GPC5: variants seen among roughly 807,000 people sequenced by gnomAD.
GPC5 encodes the protein glypican-5.
Under a neutral mutation model 53.9 loss-of-function variants are expected in GPC5, and 47 were observed. The observed-to-expected ratio is 0.87, with a 90% CI of 0.69 to 1.11. The LOEUF (loss-of-function observed/expected upper bound fraction) is 1.11. Among genes scored for constraint, GPC5 ranks in the 50% most tolerant of loss-of-function variants. GPC5 has a pLI of 0.00. For synonymous variants in GPC5, 286 were observed against 263.3 expected, an observed-to-expected ratio of 1.09 and a Z score of -0.84; for missense variants, 748 against 713.1, an observed-to-expected ratio of 1.05 and a Z score of -0.56.
intron 2 of GPC5, among the ~76,000 whole-genome samples, chr13:91,615,651 C>T (rs2033675969): frequency 1.3e-5 from 2 of 152,132 alleles, no homozygotes; most frequent in East Asian, 3.9e-4. Flanking sequence ...GCTCACAGGG[C>T]TTCCCCATCT....
chr13:91,557,244 T>C (rs1308053712), intron 2 of GPC5, among the ~76,000 whole-genome samples: 1 of 152,160 alleles, frequency 6.6e-6, no homozygotes, highest in Admixed American at 6.5e-5. Flanking sequence ...CTTTGGCTGT[T>C]CTGAGAGTTG....
intron 7 of GPC5, among the ~76,000 whole-genome samples, chr13:92,783,686 A>ATTTAC (rs1876112998): frequency 6.6e-6 from 1 of 152,160 alleles, no homozygotes; most frequent in African/African-American, 2.4e-5. Context: ...ATATGATAAA[A>ATTTAC]TTTACTTTCA....
intron 7 of GPC5, among the ~76,000 whole-genome samples, chr13:92,439,711 T>G (rs1485970521): frequency 6.6e-6 from 1 of 151,934 alleles, no homozygotes; most frequent in African/African-American, 2.4e-5. Context: ...CCAAAGACAA[T>G]GGGGGTCTAT....
At chr13:92,381,199 C>CTATGTA (rs2043736199) in intron 7 of GPC5, among the ~76,000 whole-genome samples, 1 of 152,118 alleles carries the variant, frequency 6.6e-6, no homozygotes, top group Non-Finnish European at 1.5e-5. Context: ...CTTTGTTTTT[C>CTATGTA]TCTACTCATA....
chr13:91,420,713 G>A (rs1328483000), intron 1 of GPC5, among the ~76,000 whole-genome samples: 3 of 152,124 alleles, frequency 2.0e-5, no homozygotes, highest in Admixed American at 6.5e-5. Flanking sequence ...ATTGGATGGT[G>A]GGGGCGGTTC....
intron 7 of GPC5, among the ~76,000 whole-genome samples, chr13:92,739,401 A>T (rs1227717755): frequency 6.6e-6 from 1 of 152,088 alleles, no homozygotes; most frequent in Non-Finnish European, 1.5e-5. Context: ...ATAGTTGCTG[A>T]TAAGTTCTGT....
At chr13:91,881,519 A>T (rs1443441545) in intron 5 of GPC5, among the ~76,000 whole-genome samples, 1 of 152,188 alleles carries the variant, frequency 6.6e-6, no homozygotes, top group Non-Finnish European at 1.5e-5. Flanking sequence ...TCTTTAAAAC[A>T]TATTCAATAA....
chr13:91,568,831 C>T (rs1033802616), intron 2 of GPC5, among the ~76,000 whole-genome samples: 3 of 151,498 alleles, frequency 2.0e-5, no homozygotes, highest in Non-Finnish European at 4.4e-5. Flanking sequence ...TCACTGCAAC[C>T]TCCACCCCCA....
intron 7 of GPC5, among the ~76,000 whole-genome samples, chr13:92,743,644 C>T (rs138556990): frequency 0.082 from 12,537 of 151,990 alleles, 1,021 homozygotes; most frequent in East Asian, 0.37. Flanking sequence ...TGGTGAGAGA[C>T]GGCATCTCTG....
chr13:91,763,072 A>G (rs1282314369), intron 5 of GPC5, among the ~76,000 whole-genome samples: 1 of 152,202 alleles, frequency 6.6e-6, no homozygotes, highest in Non-Finnish European at 1.5e-5. Flanking sequence ...AATTCTTTGA[A>G]GATAACAAGA....
At chr13:92,833,957 A>C (rs879865007) in intron 7 of GPC5, among the ~76,000 whole-genome samples, 9 of 152,146 alleles carry the variant, frequency 5.9e-5, no homozygotes, top group Non-Finnish European at 8.8e-5. Context: ...GATAAATAGA[A>C]CTCACTGAAG....
At chr13:91,764,252 C>T (rs2037476988) in intron 5 of GPC5, among the ~76,000 whole-genome samples, 1 of 152,154 alleles carries the variant, frequency 6.6e-6, no homozygotes, top group South Asian at 2.1e-4. Context: ...TCAATATACA[C>T]ATTTTGGTCT....
intron 7 of GPC5, among the ~76,000 whole-genome samples, chr13:92,587,566 G>T (rs563597924): frequency 1.4e-5 from 2 of 145,348 alleles, no homozygotes; most frequent in African/African-American, 5.0e-5. Context: ...CATTATTTAT[G>T]GTACTCCTGC....
intron 5 of GPC5, among the ~76,000 whole-genome samples, chr13:91,782,445 C>A (rs1489293859): frequency 2.0e-5 from 3 of 152,186 alleles, no homozygotes; most frequent in Admixed American, 6.5e-5. Flanking sequence ...ACCTTCTTCA[C>A]ATGGCGCCAG....
chr13:91,531,088 A>G (rs1011668051), intron 2 of GPC5, among the ~76,000 whole-genome samples: 1 of 152,140 alleles, frequency 6.6e-6, no homozygotes, highest in Non-Finnish European at 1.5e-5. Flanking sequence ...TTCTGTGACT[A>G]TTGGCTCCAG....
intron 3 of GPC5, among the ~76,000 whole-genome samples, chr13:91,694,572 C>T (rs2035839056): frequency 6.6e-6 from 1 of 152,180 alleles, no homozygotes; most frequent in Admixed American, 6.5e-5. Context: ...ATTTGTCTCA[C>T]CTTACATAGA....
At chr13:92,662,106 T>A (rs1401733369) in intron 7 of GPC5, among the ~76,000 whole-genome samples, 1 of 152,138 alleles carries the variant, frequency 6.6e-6, no homozygotes, top group Non-Finnish European at 1.5e-5. Flanking sequence ...TCCCATTACA[T>A]CTAGAGCTGA....
intron 2 of GPC5, among the ~76,000 whole-genome samples, chr13:91,542,991 G>T (rs1212965814): frequency 6.6e-6 from 1 of 151,826 alleles, no homozygotes; most frequent in African/African-American, 2.4e-5. Flanking sequence ...CGAGTAGGTG[G>T]GACTACAGGC....
At chr13:91,888,748 T>G (rs1416182166) in intron 5 of GPC5, among the ~76,000 whole-genome samples, 1 of 152,196 alleles carries the variant, frequency 6.6e-6, no homozygotes, top group Non-Finnish European at 1.5e-5. Context: ...GTTGGTATGA[T>G]GCAAGTTGCT....
Sources: gnomAD v4.1 joint callset for allele counts (sites outside exome capture counted in the v4.1 genomes callset) on GRCh38, gnomAD v4.1.1 for gene constraint, MANE v1.5 for transcripts, NCBI Gene and HGNC (gene_info 2026-07-23, HGNC 2026-07-21) for gene names.